SLC35F4: variants seen among roughly 807,000 people sequenced by gnomAD.
SLC35F4 encodes the protein chromosome 14 open reading frame 36.
In SLC35F4, 24 loss-of-function variants were observed where a neutral mutation model predicts 44.2. That is an observed-to-expected ratio of 0.54 (90% CI 0.39 to 0.76). The LOEUF (loss-of-function observed/expected upper bound fraction) is 0.76, where lower values mean the gene tolerates loss of function less well. Ranked by LOEUF, SLC35F4 falls within the 30% of genes least tolerant of loss-of-function variation. The probability of loss-of-function intolerance (pLI) is 0.00; values close to 1 mark genes in which losing one functional copy is unlikely to be tolerated. For synonymous variants in SLC35F4, 238 were observed against 223.6 expected (o/e 1.06, Z -0.57); for missense variants, 562 against 586.1 (o/e 0.96, Z 0.42).
intron 1 of SLC35F4, among the ~76,000 whole-genome samples, chr14:57,720,988 A>ATG (rs1388652364): frequency 6.8e-5 from 8 of 116,866 alleles, no homozygotes; most frequent in Admixed American, 1.7e-4. Flanking sequence ...TCATATATAT[A>ATG]TATATATATA....
chr14:57,684,591 G>A (rs148804116), intron 1 of SLC35F4, among the ~76,000 whole-genome samples: 101 of 152,302 alleles, frequency 6.6e-4, no homozygotes, highest in African/African-American at 2.2e-3. Flanking sequence ...GTTCCTAACA[G>A]GCCACAGAAC....
intron 1 of SLC35F4, among the ~76,000 whole-genome samples, chr14:57,756,582 A>T (rs1172103015): frequency 1.3e-5 from 2 of 151,844 alleles, no homozygotes; most frequent in African/African-American, 2.4e-5. Flanking sequence ...TTATATAAAT[A>T]TTGATTAGGT....
chr14:57,642,585 A>G (rs563039927), intron 1 of SLC35F4, among the ~76,000 whole-genome samples: 40 of 152,076 alleles, frequency 2.6e-4, no homozygotes, highest in Non-Finnish European at 5.3e-4. Flanking sequence ...CATCTGGACA[A>G]AAGAACTGTT....
chr14:57,679,606 A>G (rs1053869731), intron 1 of SLC35F4, among the ~76,000 whole-genome samples: 5 of 152,048 alleles, frequency 3.3e-5, no homozygotes, highest in African/African-American at 9.7e-5. Flanking sequence ...TCAAAAGATT[A>G]ACAAAATAGT....
rs987978562 is a variant in SLC35F4, at chr14:57,924,206, G to C, written n.282+57707C>G. Among the ~76,000 whole-genome samples the C allele has an allele frequency of 3.9e-5, 6 of 152,300 alleles. No individual in the cohort carries two copies. In the Middle Eastern group the frequency reaches 0.01, roughly 259 times the overall value. ...CCCAATCTCAGGTATGTCTTCATCAGCAGTGTGAGAATGAACCAATACAGC... is the reference window on the plus strand; with the variant it reads ...CCCAATCTCAGGTATGTCTTCATCACCAGTGTGAGAATGAACCAATACAGC... On this transcript the variant is annotated intron_variant and non_coding_transcript_variant, in intron 1 of 1. Transcript: ENST00000556568.
intron 1 of SLC35F4, chr14:57,630,364 TA>T (rs1378298766): frequency 3.3e-6 from 2 of 614,900 alleles, no homozygotes; most frequent in Non-Finnish European, 6.1e-6. Flanking sequence ...AGACCACACA[TA>T]GCAGAAGCCA....
chr14:57,723,495 G>C (rs966755992), intron 1 of SLC35F4, among the ~76,000 whole-genome samples: 4 of 152,208 alleles, frequency 2.6e-5, no homozygotes, highest in Non-Finnish European at 4.4e-5. Flanking sequence ...GATGGATCTT[G>C]GAGAATGACA....
intron 1 of SLC35F4, among the ~76,000 whole-genome samples, chr14:57,687,689 C>CA (rs2075107409): frequency 6.6e-6 from 1 of 152,194 alleles, no homozygotes; most frequent in Admixed American, 6.5e-5. Context: ...AAGACATACA[C>CA]AGAGGCAGGT....
chr14:57,575,131 T>C lies in SLC35F4; in HGVS notation c.808-3112A>G, dbSNP rs139778435. On this transcript the variant is annotated intron_variant, in intron 4 of 7. Coordinates refer to ENST00000556826, the MANE Select transcript of SLC35F4 (RefSeq NM_001306087.2). The stretch of plus-strand genomic sequence containing the variant: ...GCTCGGCTTCTGAAAAATCTGTCTC[T>C]TGACAATCTATTCCAGTTCCAGCCT... Among the ~76,000 whole-genome samples, 387 of 152,242 alleles carry C rather than the reference T, an allele frequency of 2.5e-3. 1 individual carries two copies. The highest frequency in any genetic ancestry group is 8.8e-3 in the African/African-American group (367 of 41,532).
intron 1 of SLC35F4, among the ~76,000 whole-genome samples, chr14:57,775,870 C>A (rs1389035773): frequency 1.3e-5 from 2 of 152,132 alleles, no homozygotes; most frequent in Non-Finnish European, 2.9e-5. Flanking sequence ...TTCAGGAGAA[C>A]ACTGAAACCC....
chr14:57,783,001 A>G (rs1323303303), intron 1 of SLC35F4, among the ~76,000 whole-genome samples: 3 of 151,946 alleles, frequency 2.0e-5, no homozygotes, highest in Non-Finnish European at 2.9e-5. Context: ...GAAGGAAGGG[A>G]GCTGGGAGGG....
At chr14:57,642,205 C>T (rs1169584466) in intron 1 of SLC35F4, among the ~76,000 whole-genome samples, 1 of 151,834 alleles carries the variant, frequency 6.6e-6, no homozygotes, top group Non-Finnish European at 1.5e-5. Context: ...AGACAAACTC[C>T]TAATTAACCG....
intron 1 of SLC35F4, among the ~76,000 whole-genome samples, chr14:57,959,466 T>C (rs1890302696): frequency 6.6e-6 from 1 of 152,060 alleles, no homozygotes; most frequent in Non-Finnish European, 1.5e-5. Flanking sequence ...TAGCCCCGGG[T>C]TACAGAAAAG....
chr14:57,916,422 T>G (rs1008932825), intron 1 of SLC35F4, among the ~76,000 whole-genome samples: 3 of 152,212 alleles, frequency 2.0e-5, no homozygotes, highest in African/African-American at 7.2e-5. Flanking sequence ...ATCATTGATT[T>G]TCTGAAGTTT....
intron 1 of SLC35F4, among the ~76,000 whole-genome samples, chr14:57,756,304 A>G (rs2076993114): frequency 1.3e-5 from 2 of 152,130 alleles, no homozygotes; most frequent in Admixed American, 6.5e-5. Flanking sequence ...GCAAATTTCA[A>G]AGAAGACATT....
chr14:57,627,459 T>C (rs977173215), intron 1 of SLC35F4, among the ~76,000 whole-genome samples: 3 of 151,786 alleles, frequency 2.0e-5, no homozygotes, highest in Non-Finnish European at 4.4e-5. Flanking sequence ...AACAAAACAT[T>C]GTTAGCTAAT....
intron 1 of SLC35F4, among the ~76,000 whole-genome samples, chr14:57,961,654 C>T (rs146428438): frequency 7.9e-5 from 12 of 152,310 alleles, no homozygotes; most frequent in Admixed American, 3.9e-4. Flanking sequence ...TGCCCTACCT[C>T]CCCGGCTTCT....
intron 1 of SLC35F4, among the ~76,000 whole-genome samples, chr14:57,862,455 G>A (rs912825214): frequency 2.0e-5 from 3 of 152,166 alleles, no homozygotes; most frequent in Non-Finnish European, 2.9e-5. Flanking sequence ...ACAAGCCAAA[G>A]GATTGACAAT....
intron 1 of SLC35F4, among the ~76,000 whole-genome samples, chr14:57,939,071 T>C (rs1889869055): frequency 6.6e-6 from 1 of 151,960 alleles, no homozygotes; most frequent in South Asian, 2.1e-4. Flanking sequence ...GGGAAATGCA[T>C]GCTTCAGTGC....
Sources: gnomAD v4.1 joint callset for allele counts (sites outside exome capture counted in the v4.1 genomes callset) on GRCh38, gnomAD v4.1.1 for gene constraint, MANE v1.5 for transcripts, NCBI Gene and HGNC (gene_info 2026-07-23, HGNC 2026-07-21) for gene names.